Variants in DOCK10 observed in about 807,000 individuals in gnomAD.
DOCK10 encodes the protein dedicator of cytokinesis 10.
A neutral mutation model predicts 280.1 loss-of-function variants in DOCK10; 145 were observed. The observed-to-expected ratio is 0.52, with a 90% CI of 0.45 to 0.59. The LOEUF (loss-of-function observed/expected upper bound fraction) is 0.59. Among genes scored for constraint, DOCK10 ranks in the 20% least tolerant of loss-of-function variants. The probability of loss-of-function intolerance (pLI) is 0.00; values close to 1 mark genes in which losing one functional copy is unlikely to be tolerated. For missense variants in DOCK10, 2,368 were observed against 2,651.7 expected, an observed-to-expected ratio of 0.89 and a Z score of 2.35; for synonymous variants, 915 against 942.2, an observed-to-expected ratio of 0.97 and a Z score of 0.53.
chr2:224,811,517 T>C (rs1693774710), intron 31 of DOCK10, among the ~76,000 whole-genome samples: 2 of 152,110 alleles, frequency 1.3e-5, no homozygotes, highest in Admixed American at 1.3e-4. Context: ...ATTTTGGCTT[T>C]TGTTGCCATT....
At chr2:224,982,357 A>C in intron 1 of DOCK10, 1 of 1,231,940 alleles carries the variant, frequency 8.1e-7, no homozygotes, top group Non-Finnish European at 1.0e-6. Flanking sequence ...CAATGCTGGC[A>C]GTGCAGCCCA....
chr2:224,928,534 A>G (rs564046995), intron 2 of DOCK10, among the ~76,000 whole-genome samples: 4 of 152,366 alleles, frequency 2.6e-5, no homozygotes, highest in East Asian at 1.9e-4. Flanking sequence ...CAGGTCACCC[A>G]TGGGCGACAG....
intron 1 of DOCK10, among the ~76,000 whole-genome samples, chr2:224,948,981 G>A (rs1703581380): frequency 1.3e-5 from 2 of 152,126 alleles, no homozygotes; most frequent in African/African-American, 4.8e-5. Flanking sequence ...TGCAATATGA[G>A]AATGACTCAT....
At chr2:224,908,413 GTT>G (rs1491148528) in intron 3 of DOCK10, among the ~76,000 whole-genome samples, 41 of 84,692 alleles carry the variant, frequency 4.8e-4, no homozygotes, top group African/African-American at 1.9e-3. Context: ...AATCATCATC[GTT>G]TGTGTGTGTG....
intron 1 of DOCK10, among the ~76,000 whole-genome samples, chr2:225,010,045 A>G (rs1272747529): frequency 1.3e-5 from 2 of 152,128 alleles, no homozygotes; most frequent in Non-Finnish European, 2.9e-5. Flanking sequence ...TTCTTCTGGC[A>G]TTGGCTGGGG....
At position 224,821,008 on chromosome 2, in the gene DOCK10, T is replaced by C. The variant is rs1054913681; in HGVS notation, c.3184-1479A>G. Among the ~76,000 whole-genome samples the C allele has an allele frequency of 5.3e-5, 8 of 152,208 alleles. No homozygotes were observed. In the East Asian group the frequency reaches 1.5e-3, roughly 29 times the overall value. ...GTCTAAATAGGTATGTTCAGATAAGTAGAGCTGTGACCCAGGTGGGTGGCA... is the reference window on the plus strand; with the variant it reads ...GTCTAAATAGGTATGTTCAGATAAGCAGAGCTGTGACCCAGGTGGGTGGCA... On this transcript the variant is annotated intron_variant, in intron 28 of 55. Coordinates refer to ENST00000258390, the MANE Select transcript of DOCK10 (RefSeq NM_014689.3).
intron 16 of DOCK10, among the ~76,000 whole-genome samples, chr2:224,854,632 G>A (rs2125562674): frequency 6.6e-6 from 1 of 152,090 alleles, no homozygotes; most frequent in South Asian, 2.1e-4. Context: ...AAACCCTCCG[G>A]GGTTTTGAGG....
rs370233843 is a variant in DOCK10, at chr2:224,903,171, A to C, written c.334-6794T>G. On this transcript the variant is annotated intron_variant, in intron 3 of 55. Transcript: ENST00000258390. ...CACTCTTGAGGCAGAAGTACAAATA[A>C]TGAATTTGGGCAAAATAAATAATGT... Among the ~76,000 whole-genome samples the C allele has an allele frequency of 1.6e-4, 25 of 152,340 alleles. No homozygotes were observed. In the East Asian group the frequency reaches 3.7e-3, roughly 22 times the overall value.
chr2:224,984,792 C>T (rs1705920001), intron 1 of DOCK10, among the ~76,000 whole-genome samples: 1 of 150,692 alleles, frequency 6.6e-6, no homozygotes, highest in South Asian at 2.1e-4. Context: ...GTGGGAGACA[C>T]AGAAACCTAC....
intron 1 of DOCK10, among the ~76,000 whole-genome samples, chr2:224,977,637 T>C (rs967211757): frequency 6.6e-6 from 1 of 152,228 alleles, no homozygotes. Flanking sequence ...GAGTGAGAGA[T>C]AAAATTAAAG....
intron 4 of DOCK10, among the ~76,000 whole-genome samples, chr2:224,890,784 G>C (rs1305284028): frequency 1.3e-5 from 2 of 152,176 alleles, no homozygotes; most frequent in Non-Finnish European, 1.5e-5. Flanking sequence ...CCAGGGAGGG[G>C]TGGTAGTTAA....
chr2:224,858,275 T>C (rs966395826), intron 14 of DOCK10, among the ~76,000 whole-genome samples: 6 of 152,218 alleles, frequency 3.9e-5, no homozygotes, highest in African/African-American at 7.2e-5. Context: ...CTCACTTACA[T>C]TGGACACTTT....
At chr2:224,841,991 AT>A (rs1298464738) in intron 22 of DOCK10, 95 bp from the exon 23 acceptor site, 5 of 879,036 alleles carry the variant, frequency 5.7e-6, no homozygotes, top group African/African-American at 4.9e-5. Context: ...TTTCTGTAGG[AT>A]TGATGCCTCG....
At chr2:225,026,957 G>T (rs934205080) in intron 1 of DOCK10, among the ~76,000 whole-genome samples, 1 of 152,162 alleles carries the variant, frequency 6.6e-6, no homozygotes, top group African/African-American at 2.4e-5. Flanking sequence ...TCAAATGCCT[G>T]TGTTAAATGG....
chr2:224,829,838 G>T (rs72970977), intron 27 of DOCK10, among the ~76,000 whole-genome samples: 1 of 152,142 alleles, frequency 6.6e-6, no homozygotes, highest in African/African-American at 2.4e-5. Flanking sequence ...AGCCATGGAA[G>T]GGGCTGTAAT....
At chr2:224,808,775 T>G (rs1308103393) in intron 31 of DOCK10, among the ~76,000 whole-genome samples, 1 of 152,114 alleles carries the variant, frequency 6.6e-6, no homozygotes, top group Non-Finnish European at 1.5e-5. Flanking sequence ...ATCAGTGCCC[T>G]GATAAGGCTC....
intron 2 of DOCK10, among the ~76,000 whole-genome samples, chr2:224,930,559 A>G (rs915060124): frequency 7.2e-6 from 1 of 138,718 alleles, no homozygotes; most frequent in African/African-American, 2.6e-5. Flanking sequence ...TCATGAATCC[A>G]TGGAGGAAGG....
chr2:224,879,268 C>T (rs550540987), intron 7 of DOCK10, among the ~76,000 whole-genome samples: 40 of 152,294 alleles, frequency 2.6e-4, no homozygotes, highest in Middle Eastern at 3.4e-3. Context: ...CCCAGGAGGA[C>T]TGGGGTAGAT....
chr2:225,012,763 C>T (rs1020097840), intron 1 of DOCK10, among the ~76,000 whole-genome samples: 6 of 152,104 alleles, frequency 3.9e-5, no homozygotes, highest in African/African-American at 1.4e-4. Context: ...TTTAAACAAA[C>T]TAATCTTTAC....
Sources: allele counts gnomAD v4.1 joint callset (sites outside exome capture counted in the v4.1 genomes callset), GRCh38; gene constraint gnomAD v4.1.1; transcripts MANE v1.5; gene names NCBI Gene and HGNC (gene_info 2026-07-23, HGNC 2026-07-21).